COL16A1: variants seen among roughly 807,000 people sequenced by gnomAD.
COL16A1 encodes the protein collagen alpha-1(XVI) chain.
In COL16A1, 189 loss-of-function variants were observed where a neutral mutation model predicts 266.3. The ratio of observed to expected loss-of-function variants is 0.71; its 90% CI spans 0.63 to 0.80. COL16A1 has a LOEUF of 0.80. Ranked by LOEUF, COL16A1 falls within the 30% of genes least tolerant of loss-of-function variation. The probability of loss-of-function intolerance (pLI) is 0.00; values close to 1 mark genes in which losing one functional copy is unlikely to be tolerated. For missense variants in COL16A1, 1,928 were observed against 2,122.4 expected (o/e 0.91, Z 1.80); for synonymous variants, 740 against 782.3 (o/e 0.95, Z 0.90).
At chr1:31,681,780 C>T (rs1448366760) in intron 37 of COL16A1, among the ~76,000 whole-genome samples, 1 of 152,262 alleles carries the variant, frequency 6.6e-6, no homozygotes, top group Admixed American at 6.5e-5. Context: ...GCCACCTTCA[C>T]ACGTGGGACT....
At chr1:31,666,274 G>A (rs986477458) in intron 52 of COL16A1, 193 bp from the exon 53 acceptor site, 13 of 620,902 alleles carry the variant, frequency 2.1e-5, no homozygotes, top group Middle Eastern at 4.4e-4. Flanking sequence ...CTCCTAACTC[G>A]TCCTGCCACC....
In COL16A1 at chr1:31,689,735, A is replaced by G. The variant is rs1190277137; in HGVS notation, c.1620+6T>C. The G allele has an allele frequency of 1.9e-6, 3 of 1,611,342 alleles. No individual in the cohort carries two copies. Among genetic ancestry groups the G allele is most frequent in the Middle Eastern group, 1.6e-4 (1 of 6,066 alleles). Reference sequence around the variant, plus strand: ...AGGTCCCTCAATGGTCACCCTGGGCACTCACCCTGGCTGGTACAGGATCAC... The same window carrying G: ...AGGTCCCTCAATGGTCACCCTGGGCGCTCACCCTGGCTGGTACAGGATCAC... On this transcript the variant is annotated splice_donor_region_variant and intron_variant, in intron 23 of 70. Transcript: ENST00000373672.
Position 31,700,049 on chromosome 1 carries a change from T to C in COL16A1, c.140A>G (p.Asn47Ser), listed in dbSNP as rs764042913. 4 of 1,614,126 alleles carry C rather than the reference T, an allele frequency of 2.5e-6. No homozygotes were observed. In the South Asian group the frequency reaches 4.4e-5, roughly 18 times the overall value. ...KLEHSSSLPANVTGFNLIHRL... is the reference protein window; with the variant it reads ...KLEHSSSLPASVTGFNLIHRL... ...GATGGTTGGGTGCTCACCAGTCACGTTGGCTGGCAGGCTACTACTGTGTTC... is the reference window on the plus strand; with the variant it reads ...GATGGTTGGGTGCTCACCAGTCACGCTGGCTGGCAGGCTACTACTGTGTTC... Residue 47 changes from asparagine (N) to serine (S), a missense_variant, in exon 3 of 71, where the codon AAC (asparagine) becomes AGC (serine). Transcript: ENST00000373672.
chr1:31,698,986 C>T lies in COL16A1; in HGVS notation c.267-380G>A, dbSNP rs1170863377. ...GGCAGGCGCCTGTAATCCCAGCTAC[C>T]CGGGAGGCTGAGGCAGGAGAATTGC... On this transcript the variant is annotated intron_variant, in intron 4 of 70. Transcript: ENST00000373672. This position sits in a 1 kb window ranked among gnomAD's most constrained non-coding sequence, Gnocchi z 4.1. Among the ~76,000 whole-genome samples the T allele has an allele frequency of 2.0e-5, 3 of 151,878 alleles. No homozygotes were observed. Among genetic ancestry groups the T allele is most frequent in the Non-Finnish European group, 4.4e-5 (3 of 67,936 alleles).
Position 31,652,408 on chromosome 1 carries a change from C to A in COL16A1, c.*243G>T. 1 of 361,568 alleles carries A rather than the reference C, an allele frequency of 2.8e-6. No individual in the cohort carries two copies. The highest frequency in any genetic ancestry group is 4.8e-6 in the Non-Finnish European group (1 of 207,696). 22.4% of individuals were successfully genotyped at this position (361,568 alleles called of 1,614,324 possible). A position where few individuals can be genotyped will look rare whatever the true frequency, so the allele number is the denominator to read the frequency against. On this transcript the variant is annotated 3_prime_UTR_variant, in exon 71 of 71. Coordinates refer to ENST00000373672, the MANE Select transcript of COL16A1 (RefSeq NM_001856.4). The surrounding 1 kb of genome is among the most constrained non-coding windows in gnomAD (Gnocchi z 4.8). ...TATATGCCCCTGTACCCAAAATGCC[C>A]TTTTTTGTTCCTGGGACTAAACGGG...
chr1:31,658,568 C>T lies in COL16A1; in HGVS notation c.3940G>A (p.Gly1314Arg), dbSNP rs1641370355. The change falls in exon 64 of 71, where the codon GGA becomes AGA. Residue 1314 changes from glycine (G) to arginine (R), a missense_variant. Gly to Arg is a moderately radical substitution (Grantham distance 125). This residue lies in a region of COL16A1 where 376 missense variants were observed against 485.2 expected (regional missense o/e 0.77). Coordinates refer to ENST00000373672, the MANE Select transcript of COL16A1 (RefSeq NM_001856.4). The stretch of plus-strand genomic sequence containing the variant: ...CTTTCTCCGGTGGCTCCTCGGTCTC[C>T]TTTCAGACCCTAGAGAATAGGAAGG... ...PAGISAVGLK[G>R]DRGATGERGL... is the part of the protein sequence containing the mutation. 2 of 1,602,784 alleles carry T rather than the reference C, an allele frequency of 1.2e-6. No individual in the cohort carries two copies. Among genetic ancestry groups the T allele is most frequent in the Non-Finnish European group, 1.7e-6 (2 of 1,175,776 alleles).
Position 31,698,935 on chromosome 1 carries a change from A to G in COL16A1, c.267-329T>C, listed in dbSNP as rs1467556108. On this transcript the variant is annotated intron_variant, in intron 4 of 70. Coordinates refer to ENST00000373672, the MANE Select transcript of COL16A1 (RefSeq NM_001856.4). The surrounding 1 kb of genome is among the most constrained non-coding windows in gnomAD (Gnocchi z 4.1). ...ATGGTGAAACACCGTCTCTACTAAA[A>G]ATACAAAAAATTCGCCAGGTGTAGT... Among the ~76,000 whole-genome samples, 1 of 152,160 alleles carries G rather than the reference A, an allele frequency of 6.6e-6. No homozygotes were observed. Among genetic ancestry groups the G allele is most frequent in the Non-Finnish European group, 1.5e-5 (1 of 68,034 alleles).
intron 42 of COL16A1, among the ~76,000 whole-genome samples, chr1:31,677,099 TTA>T (rs1643255131): frequency 6.6e-6 from 1 of 152,196 alleles, no homozygotes; most frequent in Non-Finnish European, 1.5e-5. Flanking sequence ...ATTATTATTA[TTA>T]TTTTTGAGAT....
chr1:31,697,219 C>A lies in COL16A1; in HGVS notation c.738+1G>T. ...GGCAGCCCAAGGGCCGGGCCACTCACCCCTGCTGGTAAAATCTCACAGCAG... is the reference window on the plus strand; with the variant it reads ...GGCAGCCCAAGGGCCGGGCCACTCAACCCTGCTGGTAAAATCTCACAGCAG... On this transcript the variant is annotated splice_donor_variant, in intron 7 of 70. Transcript: ENST00000373672. LOFTEE classifies it high-confidence loss of function. The surrounding 1 kb of genome is among the most constrained non-coding windows in gnomAD (Gnocchi z 4.2). 6.2e-7 allele frequency: 1 copy of A among 1,613,306 alleles called. No individual in the cohort carries two copies. The highest frequency in any genetic ancestry group is 8.5e-7 in the Non-Finnish European group (1 of 1,179,690).
chr1:31,662,191 G>C, intron 58 of COL16A1, 143 bp downstream of exon 58: 1 of 1,463,512 alleles, frequency 6.8e-7, no homozygotes, highest in South Asian at 1.2e-5. Context: ...CTGGGGTAGA[G>C]GGAGACAGAC....
chr1:31,693,025 C>T (rs1644343635), intron 13 of COL16A1, 67 bp downstream of exon 13: 1 of 1,112,736 alleles, frequency 9.0e-7, no homozygotes, highest in Non-Finnish European at 1.4e-6. Flanking sequence ...GATGATGGCT[C>T]ACATCCCACC....
Position 31,688,768 on chromosome 1 carries a change from T to C in COL16A1, c.1767+93A>G. Reference sequence around the variant, plus strand: ...GCCTCTTCCCCTCCCTCCTGATCCCTGCCCTGAGACTTGGGATCTGAAAAG... The same window carrying C: ...GCCTCTTCCCCTCCCTCCTGATCCCCGCCCTGAGACTTGGGATCTGAAAAG... On this transcript the variant is annotated intron_variant, in intron 25 of 70. Coordinates refer to ENST00000373672, the MANE Select transcript of COL16A1 (RefSeq NM_001856.4). This position sits in a 1 kb window ranked among gnomAD's most constrained non-coding sequence, Gnocchi z 4.9. 2.2e-6 allele frequency: 3 copies of C among 1,353,506 alleles called. No individual in the cohort carries two copies. Among genetic ancestry groups the C allele is most frequent in the Non-Finnish European group, 3.1e-6 (3 of 973,226 alleles). 83.8% of individuals were successfully genotyped at this position (1,353,506 alleles called of 1,614,324 possible). A position where few individuals can be genotyped will look rare whatever the true frequency, so the allele number is the denominator to read the frequency against.
In COL16A1 at chr1:31,661,660, C is replaced by T. The variant is rs374986257; in HGVS notation, c.3726G>A (p.Pro1242=). Reference sequence around the variant, plus strand: ...AACTCCTTCCTGCAGCTCAACTTACCGGTGGTCCCATGAGTCCAGGGGGGC... The same window carrying T: ...AACTCCTTCCTGCAGCTCAACTTACTGGTGGTCCCATGAGTCCAGGGGGGC... The part of the protein sequence containing the change: ...PAGPPGLMGP[P]GFKGKTGHPG... Residue 1242 remains proline, a splice_region_variant and synonymous_variant, in exon 59 of 71, where the codon CCG becomes CCA. Coordinates refer to ENST00000373672, the MANE Select transcript of COL16A1 (RefSeq NM_001856.4). 7.6e-5 allele frequency: 122 copies of T among 1,613,344 alleles called. No homozygotes were observed. The highest frequency in any genetic ancestry group is 9.8e-5 in the Non-Finnish European group (116 of 1,179,824).
At chr1:31,679,982 G>T in intron 40 of COL16A1, 60 bp downstream of exon 40, 1 of 1,602,322 alleles carries the variant, frequency 6.2e-7, no homozygotes, top group Non-Finnish European at 8.5e-7. Context: ...CTGGGCACCA[G>T]ACGAGGCTGA....
At chr1:31,677,217 C>T (rs1026743950) in intron 42 of COL16A1, among the ~76,000 whole-genome samples, 1 of 152,212 alleles carries the variant, frequency 6.6e-6, no homozygotes, top group African/African-American at 2.4e-5. Flanking sequence ...TCCTGAGTAG[C>T]TGGGATTACA....
Position 31,695,169 on chromosome 1 carries a change from A to G in COL16A1, c.981+17T>C, listed in dbSNP as rs1557691237. The G allele has an allele frequency of 1.9e-6, 3 of 1,613,426 alleles. No individual in the cohort carries two copies. The highest frequency in any genetic ancestry group is 2.5e-6 in the Non-Finnish European group (3 of 1,179,794). On this transcript the variant is annotated intron_variant, in intron 11 of 70. Transcript: ENST00000373672. ...GGCTCTTGCCCGCTCCACCCTGCAC[A>G]CCCTCCATTCACTCACATTGCTGTC...
At chr1:31,672,313 G>T in intron 47 of COL16A1, 103 bp downstream of exon 47, 1 of 1,328,680 alleles carries the variant, frequency 7.5e-7, no homozygotes, top group Non-Finnish European at 1.1e-6. Context: ...GCCCAGAGTG[G>T]TAAAGGGCAT....
intron 48 of COL16A1, 104 bp downstream of exon 48, chr1:31,671,511 C>A (rs1642699191): frequency 1.4e-6 from 2 of 1,443,492 alleles, no homozygotes; most frequent in Non-Finnish European, 1.9e-6. Context: ...GTTCCCTCCT[C>A]CTGCCTTGCC....
intron 19 of COL16A1, 72 bp downstream of exon 19, chr1:31,691,345 G>A (rs1644257039): frequency 8.8e-6 from 14 of 1,582,022 alleles, no homozygotes; most frequent in Admixed American, 8.8e-5. Flanking sequence ...TCTTCCCCCC[G>A]TTCATTCCCT....
Sources: gnomAD v4.1 joint callset for allele counts (sites outside exome capture counted in the v4.1 genomes callset) on GRCh38, gnomAD v4.1.1 for gene constraint, gnomAD v4.1.1 regional missense constraint, Gnocchi (gnomAD v3.1) non-coding constraint, MANE v1.5 for transcripts, NCBI Gene and HGNC (gene_info 2026-07-23, HGNC 2026-07-21) for gene names.